Variants in MICAL2 observed in about 807,000 individuals in gnomAD.
The protein encoded by MICAL2 is microtubule associated monooxygenase, calponin and LIM domain containing 2, also known as [F-actin]-monooxygenase MICAL2.
A neutral mutation model predicts 127.3 loss-of-function variants in MICAL2; 77 were observed. The ratio of observed to expected loss-of-function variants is 0.60; its 90% CI spans 0.50 to 0.73. The LOEUF (loss-of-function observed/expected upper bound fraction) is 0.73, where lower values mean the gene tolerates loss of function less well. Among genes scored for constraint, MICAL2 ranks in the 30% least tolerant of loss-of-function variants. MICAL2 has a pLI of 0.00. For synonymous variants in MICAL2, 570 were observed against 551.1 expected (o/e 1.03, Z -0.48); for missense variants, 1,351 against 1,434.4 (o/e 0.94, Z 0.94).
At chr11:12,136,599 C>A (rs16910606) in intron 1 of MICAL2, among the ~76,000 whole-genome samples, 1 of 152,132 alleles carries the variant, frequency 6.6e-6, no homozygotes. Context: ...TCAAGCTCCT[C>A]ATTTTATGGA....
At chr11:12,307,320 A>G (rs1864123310) in intron 29 of MICAL2, among the ~76,000 whole-genome samples, 1 of 152,222 alleles carries the variant, frequency 6.6e-6, no homozygotes, top group South Asian at 2.1e-4. Flanking sequence ...AGAGTTCTGC[A>G]TATAAATAAA....
chr11:12,174,866 C>G (rs6485541), intron 3 of MICAL2, among the ~76,000 whole-genome samples: 107,221 of 152,112 alleles, frequency 0.7, 38,069 homozygotes, highest in African/African-American at 0.79. Context: ...CACTCCTGTA[C>G]TCCCAGTGCT....
At chr11:12,293,862 A>G, downstream of MICAL2, 2 of 1,609,354 alleles carry the variant, frequency 1.2e-6, no homozygotes, top group Non-Finnish European at 1.7e-6. Context: ...TGGACAGGGC[A>G]AGAGCTATCT....
upstream of MICAL2, among the ~76,000 whole-genome samples, chr11:12,271,808 G>A (rs955028843): frequency 2.6e-5 from 4 of 152,146 alleles, no homozygotes; most frequent in African/African-American, 9.7e-5. Context: ...ATAAAACCCA[G>A]CACTAGCCAT....
chr11:12,234,211 A>G lies in MICAL2; in HGVS notation c.1996-1966A>G, dbSNP rs1302865996. 4.6e-5 allele frequency among the ~76,000 whole-genome samples: 7 copies of G among 152,264 alleles called. No homozygotes were observed. The East Asian group carries it at 1.3e-3, about 29-fold the overall frequency. On this transcript the variant is annotated intron_variant, in intron 15 of 27. Coordinates refer to ENST00000683283, the MANE Select transcript of MICAL2 (RefSeq NM_001282663.2). The stretch of plus-strand genomic sequence containing the variant: ...CTTCAATCTATATAGGCTCCCGTGG[A>G]ACAGTCCCACCCTGGGCTTGTTGAG...
At chr11:12,355,730 T>C (rs1400177340) in intron 34 of MICAL2, among the ~76,000 whole-genome samples, 1 of 152,212 alleles carries the variant, frequency 6.6e-6, no homozygotes, top group African/African-American at 2.4e-5. Context: ...TTAAATCCCA[T>C]GCTCAAGGTG....
intron 10 of MICAL2, among the ~76,000 whole-genome samples, chr11:12,222,201 G>T (rs1856894435): frequency 6.6e-6 from 1 of 152,204 alleles, no homozygotes; most frequent in Non-Finnish European, 1.5e-5. Context: ...CTGGCCACGT[G>T]GCTGTGACAG....
At position 12,220,189 on chromosome 11, in the gene MICAL2, C is replaced by A; in HGVS notation, c.949-12C>A. 2 of 1,613,732 alleles carry A rather than the reference C, an allele frequency of 1.2e-6. No individual in the cohort carries two copies. Among genetic ancestry groups the A allele is most frequent in the Non-Finnish European group, 1.7e-6 (2 of 1,179,748 alleles). ...GGGGGAGGTTGCTGCACCATGTTTTCATCTTCCCCAGGACTACATCGACAC... is the reference window on the plus strand; with the variant it reads ...GGGGGAGGTTGCTGCACCATGTTTTAATCTTCCCCAGGACTACATCGACAC... On this transcript the variant is annotated splice_polypyrimidine_tract_variant and intron_variant, in intron 8 of 27. Transcript: ENST00000683283.
At chr11:12,117,685 C>G (rs1192456630) in intron 1 of MICAL2, among the ~76,000 whole-genome samples, 1 of 152,126 alleles carries the variant, frequency 6.6e-6, no homozygotes, top group Admixed American at 6.5e-5. Flanking sequence ...CCAAAAGGAG[C>G]AGAATGGGGG....
In MICAL2 at chr11:12,226,356, CACTGA is replaced by C. The variant is rs756092368; in HGVS notation, c.1875_1879del (p.Leu626AlafsTer14). The stretch of plus-strand genomic sequence containing the variant: ...TTCTACGAGCTCTTCCGGGGCACCC[CACTGA>C]GGCCCGTGGGTAAGCACCTGCACAG... On this transcript the variant is annotated frameshift_variant, in exon 14 of 28. Coordinates refer to ENST00000683283, the MANE Select transcript of MICAL2 (RefSeq NM_001282663.2). LOFTEE classifies it high-confidence loss of function. 1.2e-6 allele frequency: 2 copies of C among 1,614,050 alleles called. No homozygotes were observed. The highest frequency in any genetic ancestry group is 2.2e-5 in the South Asian group (2 of 91,066).
chr11:12,155,352 A>C (rs965208789), intron 2 of MICAL2, among the ~76,000 whole-genome samples: 1 of 152,322 alleles, frequency 6.6e-6, no homozygotes, highest in East Asian at 1.9e-4. Flanking sequence ...GTACATACAC[A>C]TGCTACATAT....
chr11:12,113,233 G>A (rs1849740251), intron 1 of MICAL2, among the ~76,000 whole-genome samples: 2 of 152,174 alleles, frequency 1.3e-5, no homozygotes, highest in Non-Finnish European at 2.9e-5. Flanking sequence ...TTTTACAGGT[G>A]AGGAAGCTGA....
intron 1 of MICAL2, among the ~76,000 whole-genome samples, chr11:12,122,210 G>A (rs1046812412): frequency 1.3e-5 from 2 of 152,190 alleles, no homozygotes; most frequent in African/African-American, 2.4e-5. Flanking sequence ...TCACGGGGAG[G>A]TTGTGAGGAT....
intron 32 of MICAL2, among the ~76,000 whole-genome samples, chr11:12,328,874 G>A (rs559582088): frequency 1.3e-5 from 2 of 152,310 alleles, no homozygotes; most frequent in South Asian, 2.1e-4. Flanking sequence ...AGTCATGCAT[G>A]TAAAATTGTG....
At chr11:12,337,349 T>C (rs1441734617) in intron 32 of MICAL2, among the ~76,000 whole-genome samples, 1 of 152,240 alleles carries the variant, frequency 6.6e-6, no homozygotes, top group African/African-American at 2.4e-5. Flanking sequence ...TCTCTTTTAT[T>C]CTTTATTAGT....
chr11:12,287,124 C>T (rs540402694), exon 3 of MICAL2: 1 of 398,890 alleles, frequency 2.5e-6, no homozygotes. Flanking sequence ...AGTCTCCAAC[C>T]CCAAGCAAAT....
intron 2 of MICAL2, among the ~76,000 whole-genome samples, chr11:12,158,888 C>G (rs1051000764): frequency 2.6e-5 from 4 of 152,212 alleles, no homozygotes; most frequent in African/African-American, 4.8e-5. Flanking sequence ...TACCCTGACT[C>G]TAAATATTCT....
rs529906027 is a variant in MICAL2, at chr11:12,333,130, A to T, written c.5515+5864A>T. 5.3e-5 allele frequency among the ~76,000 whole-genome samples: 8 copies of T among 152,326 alleles called. No homozygotes were observed. The South Asian group carries it at 8.3e-4, about 16-fold the overall frequency. Reference sequence around the variant, plus strand: ...TTTTAAAAATAAGACAGAAGACAGAAATAAAGAAGAAATGGAAAGGGCAGA... The same window carrying T: ...TTTTAAAAATAAGACAGAAGACAGATATAAAGAAGAAATGGAAAGGGCAGA... On this transcript the variant is annotated intron_variant, in intron 32 of 34. Coordinates refer to the MICAL2 transcript ENST00000646065.
At chr11:12,169,608 A>T (rs1232429404) in intron 3 of MICAL2, among the ~76,000 whole-genome samples, 2 of 151,482 alleles carry the variant, frequency 1.3e-5, no homozygotes, top group African/African-American at 4.9e-5. Context: ...CTGGTCTCAA[A>T]CTCCTGCCCT....
Sources: gnomAD v4.1 joint callset for allele counts (sites outside exome capture counted in the v4.1 genomes callset) on GRCh38, gnomAD v4.1.1 for gene constraint, MANE v1.5 for transcripts, NCBI Gene and HGNC (gene_info 2026-07-23, HGNC 2026-07-21) for gene names.